TAF3: variants seen among roughly 807,000 people sequenced by gnomAD.
The protein encoded by TAF3 is transcription initiation factor TFIID subunit 3.
A neutral mutation model predicts 80.6 loss-of-function variants in TAF3; 7 were observed. The observed-to-expected ratio is 0.09, with a 90% CI of 0.05 to 0.16. The LOEUF is 0.16. Among genes scored for constraint, TAF3 ranks in the 10% least tolerant of loss-of-function variants. TAF3 has a pLI of 1.00. For synonymous variants in TAF3, 444 were observed against 446.1 expected (o/e 1.00, Z 0.06); for missense variants, 921 against 1,140.2 (o/e 0.81, Z 2.77).
chr10:7,874,918 A>T (rs1837300680), intron 2 of TAF3, among the ~76,000 whole-genome samples: 4 of 152,164 alleles, frequency 2.6e-5, no homozygotes, highest in African/African-American at 4.8e-5. Context: ...CATTTTAAAA[A>T]ATCCTTTCTA....
At position 7,818,512 on chromosome 10, in the gene TAF3, G is replaced by A. The variant is rs1481094475; in HGVS notation, c.-198G>A. ...TCGCCCCGGCGGCCGTCCAGCGGGAGGCGGAGCGAGTCCAAAATGGCGGCT... is the reference window on the plus strand; with the variant it reads ...TCGCCCCGGCGGCCGTCCAGCGGGAAGCGGAGCGAGTCCAAAATGGCGGCT... On this transcript the variant is annotated 5_prime_UTR_variant, in exon 1 of 7. Transcript: ENST00000344293. 1 of 507,904 alleles carries A rather than the reference G, an allele frequency of 2.0e-6. No homozygotes were observed. The allele number at this position is 507,904 out of a possible 1,614,324, so 31.5% of individuals were successfully genotyped here.
At chr10:7,826,982 A>G (rs1022886861) in intron 2 of TAF3, among the ~76,000 whole-genome samples, 20 of 152,168 alleles carry the variant, frequency 1.3e-4, no homozygotes, top group African/African-American at 4.8e-4. Flanking sequence ...TTATTTCCTT[A>G]AGAGCCACAG....
At chr10:7,909,071 G>T (rs1180946403) in intron 2 of TAF3, among the ~76,000 whole-genome samples, 1 of 152,246 alleles carries the variant, frequency 6.6e-6, no homozygotes, top group African/African-American at 2.4e-5. Flanking sequence ...CCGTCGCTGG[G>T]CCTGTCACCT....
chr10:7,961,852 CT>C (rs931245760), intron 2 of TAF3, among the ~76,000 whole-genome samples: 20 of 149,356 alleles, frequency 1.3e-4, no homozygotes, highest in African/African-American at 3.4e-4. Flanking sequence ...CTTTCTTTCC[CT>C]TTTTTTTTTC....
intron 2 of TAF3, among the ~76,000 whole-genome samples, chr10:7,901,045 T>C (rs1837553708): frequency 5.9e-4 from 1 of 1,692 alleles, no homozygotes; most frequent in South Asian, 0.033. Flanking sequence ...TGGTTACACA[T>C]TTGAAGCTAC....
chr10:7,885,908 A>G (rs1837404648), intron 2 of TAF3, among the ~76,000 whole-genome samples: 1 of 152,042 alleles, frequency 6.6e-6, no homozygotes, highest in African/African-American at 2.4e-5. Flanking sequence ...CATTTGGGCC[A>G]CATCTTCCTC....
intron 4 of TAF3, among the ~76,000 whole-genome samples, chr10:7,999,367 T>C (rs1048302611): frequency 2.0e-5 from 3 of 151,402 alleles, no homozygotes; most frequent in South Asian, 2.1e-4. Context: ...ATGGGCAATG[T>C]ATTTCTTTGA....
In TAF3 at chr10:7,984,248, C is replaced by T. The variant is rs968586226; in HGVS notation, c.2315+6925C>T. On this transcript the variant is annotated intron_variant, in intron 4 of 6. Coordinates refer to ENST00000344293, the MANE Select transcript of TAF3 (RefSeq NM_031923.4). ...ATTTAGTTTTTACCCCGGCACAATA[C>T]TGTTTATTCATTAACACCAAAGATG... Among the ~76,000 whole-genome samples the T allele has an allele frequency of 4.6e-5, 7 of 152,002 alleles. No homozygotes were observed. The South Asian group carries it at 6.2e-4, about 14-fold the overall frequency.
intron 4 of TAF3, among the ~76,000 whole-genome samples, chr10:7,984,729 G>A (rs1317991541): frequency 6.6e-6 from 1 of 152,118 alleles, no homozygotes; most frequent in Non-Finnish European, 1.5e-5. Context: ...AGTGAATATA[G>A]GAAAGTACTT....
intron 3 of TAF3, among the ~76,000 whole-genome samples, chr10:7,971,514 G>A (rs1831623253): frequency 1.3e-5 from 2 of 150,658 alleles, no homozygotes; most frequent in South Asian, 4.2e-4. Flanking sequence ...AAAAAACCTT[G>A]GACAGATTAT....
intron 4 of TAF3, among the ~76,000 whole-genome samples, chr10:7,991,335 CAA>C (rs1282453344): frequency 7.2e-5 from 11 of 152,050 alleles, no homozygotes; most frequent in Non-Finnish European, 1.0e-4. Context: ...TAAAGCAACT[CAA>C]ATGATTATTC....
At chr10:7,899,667 A>G (rs1837540057) in intron 2 of TAF3, among the ~76,000 whole-genome samples, 1 of 152,202 alleles carries the variant, frequency 6.6e-6, no homozygotes, top group Admixed American at 6.5e-5. Context: ...TCAGAGGAAA[A>G]GCTTAGATGT....
chr10:7,985,420 C>G (rs1365605342), intron 4 of TAF3, among the ~76,000 whole-genome samples: 2 of 152,202 alleles, frequency 1.3e-5, no homozygotes, highest in Non-Finnish European at 2.9e-5. Context: ...TTTGTCCAGC[C>G]TTTCATTCTC....
chr10:7,874,813 G>A (rs775082057), intron 2 of TAF3, among the ~76,000 whole-genome samples: 1 of 151,108 alleles, frequency 6.6e-6, no homozygotes, highest in African/African-American at 2.4e-5. Context: ...TTTTTTCATC[G>A]ATTTCTTAGC....
At chr10:7,890,553 A>G (rs969329446) in intron 2 of TAF3, among the ~76,000 whole-genome samples, 2 of 152,248 alleles carry the variant, frequency 1.3e-5, no homozygotes, top group African/African-American at 4.8e-5. Context: ...ATGTGCATTC[A>G]TCTATCTTTT....
chr10:7,854,964 C>G (rs1297955448), intron 2 of TAF3, among the ~76,000 whole-genome samples: 1 of 152,184 alleles, frequency 6.6e-6, no homozygotes, highest in Non-Finnish European at 1.5e-5. Context: ...TTCACCTAAG[C>G]TCCCTTATGT....
intron 2 of TAF3, among the ~76,000 whole-genome samples, chr10:7,922,169 G>A (rs953561174): frequency 6.6e-6 from 1 of 152,022 alleles, no homozygotes; most frequent in African/African-American, 2.4e-5. Flanking sequence ...GATTTCTCAA[G>A]CCTTATTATA....
intron 2 of TAF3, among the ~76,000 whole-genome samples, chr10:7,867,039 A>T (rs1292718294): frequency 6.6e-6 from 1 of 152,138 alleles, no homozygotes; most frequent in East Asian, 1.9e-4. Context: ...CAGGCGGATC[A>T]CCTGAGGTCA....
intron 1 of TAF3, among the ~76,000 whole-genome samples, chr10:7,819,931 T>C (rs1210932659): frequency 6.6e-6 from 1 of 152,210 alleles, no homozygotes; most frequent in Non-Finnish European, 1.5e-5. Context: ...GATCTGATCC[T>C]GTCATTATTC....
Sources: gnomAD v4.1 joint callset for allele counts (sites outside exome capture counted in the v4.1 genomes callset) on GRCh38, gnomAD v4.1.1 for gene constraint, MANE v1.5 for transcripts, NCBI Gene and HGNC (gene_info 2026-07-23, HGNC 2026-07-21) for gene names.